Variants in BMPR1B observed in about 807,000 individuals in gnomAD.
BMPR1B encodes the protein bone morphogenetic protein receptor type-1B.
Under a neutral mutation model 59.1 loss-of-function variants are expected in BMPR1B, and 12 were observed. The ratio of observed to expected loss-of-function variants is 0.20; its 90% CI spans 0.13 to 0.33. The LOEUF is 0.33. Ranked by LOEUF, BMPR1B falls within the 10% of genes least tolerant of loss-of-function variation. The pLI is 1.00. For missense variants in BMPR1B, 550 were observed against 610.9 expected (o/e 0.90, Z 1.05); for synonymous variants, 237 against 207.3 (o/e 1.14, Z -1.23).
intron 2 of BMPR1B, among the ~76,000 whole-genome samples, chr4:94,981,467 T>C (rs1337942256): frequency 1.3e-5 from 2 of 152,222 alleles, no homozygotes; most frequent in African/African-American, 4.8e-5. Context: ...GGAGAAGCTC[T>C]ACCAGTGGAA....
At chr4:94,917,559 TTGGCCAGTCTCTCCCCTTTAGAA>T (rs1578800042) in intron 2 of BMPR1B, among the ~76,000 whole-genome samples, 1 of 152,324 alleles carries the variant, frequency 6.6e-6, no homozygotes, top group East Asian at 1.9e-4. Context: ...CCTCTTTCTT[TTGGCCAGTCTCTCCCCTTTAGAA>T]TGGTAGTGTT....
intron 1 of BMPR1B, among the ~76,000 whole-genome samples, chr4:94,799,520 T>C (rs1183314685): frequency 2.0e-5 from 3 of 151,964 alleles, no homozygotes; most frequent in Non-Finnish European, 4.4e-5. Context: ...GCCAGGATGG[T>C]CTCGATCTCC....
intron 2 of BMPR1B, among the ~76,000 whole-genome samples, chr4:94,924,465 CTTGT>C (rs1456992489): frequency 6.6e-6 from 1 of 152,040 alleles, no homozygotes; most frequent in African/African-American, 2.4e-5. Flanking sequence ...TAAATACATC[CTTGT>C]TTACCCCATC....
At chr4:94,993,964 A>G (rs1055639709) in intron 2 of BMPR1B, among the ~76,000 whole-genome samples, 1 of 152,196 alleles carries the variant, frequency 6.6e-6, no homozygotes, top group African/African-American at 2.4e-5. Context: ...GTAGATTTAG[A>G]TGCTATTGAG....
intron 1 of BMPR1B, among the ~76,000 whole-genome samples, chr4:94,779,430 G>A (rs1483325155): frequency 6.6e-6 from 1 of 152,112 alleles, no homozygotes; most frequent in Non-Finnish European, 1.5e-5. Flanking sequence ...ATATAGAATA[G>A]AAATAGTGAT....
intron 1 of BMPR1B, among the ~76,000 whole-genome samples, chr4:94,859,015 A>G (rs1421078024): frequency 6.6e-6 from 1 of 152,198 alleles, no homozygotes; most frequent in East Asian, 1.9e-4. Flanking sequence ...GCATGTCAAC[A>G]TAATTTATAA....
At chr4:95,139,787 T>G (rs1177740368) in intron 10 of BMPR1B, among the ~76,000 whole-genome samples, 1 of 152,168 alleles carries the variant, frequency 6.6e-6, no homozygotes, top group Non-Finnish European at 1.5e-5. Context: ...GTTGGAAAAG[T>G]GCAGTATTAG....
At chr4:94,809,847 A>G (rs141899501) in intron 1 of BMPR1B, among the ~76,000 whole-genome samples, 298 of 152,366 alleles carry the variant, frequency 2.0e-3, no homozygotes, top group African/African-American at 6.6e-3. Context: ...TTTTGAGGCA[A>G]AAGTAGTAGA....
chr4:94,831,245 A>AC (rs1553910336), intron 1 of BMPR1B, among the ~76,000 whole-genome samples: 7 of 151,620 alleles, frequency 4.6e-5, no homozygotes, highest in East Asian at 3.9e-4. Context: ...AAAAAAAAAA[A>AC]AAAAAACGTA....
intron 2 of BMPR1B, among the ~76,000 whole-genome samples, chr4:94,965,409 G>A (rs1423372151): frequency 6.6e-6 from 1 of 151,936 alleles, no homozygotes; most frequent in Non-Finnish European, 1.5e-5. Flanking sequence ...TCTTTTTATG[G>A]CATTTCTTAT....
intron 5 of BMPR1B, 81 bp downstream of exon 5, chr4:95,114,903 T>C: frequency 7.4e-7 from 1 of 1,359,376 alleles, no homozygotes. Flanking sequence ...CCATTCTTTT[T>C]CTTGGCCAGC....
In BMPR1B at chr4:95,088,762, G is replaced by A. The variant is rs541324429; in HGVS notation, c.-17-15646G>A. Among the ~76,000 whole-genome samples, 4 of 151,832 alleles carry A rather than the reference G, an allele frequency of 2.6e-5. No homozygotes were observed. In the South Asian group the frequency reaches 6.3e-4, roughly 24 times the overall value. On this transcript the variant is annotated intron_variant, in intron 3 of 12. Coordinates refer to ENST00000515059, the MANE Select transcript of BMPR1B (RefSeq NM_001203.3). Reference sequence around the variant, plus strand: ...TAAATCGGGCCTATTCATTTTGAAAGGCCATTAAGTTTTTTCTTTAGAGGA... The same window carrying A: ...TAAATCGGGCCTATTCATTTTGAAAAGCCATTAAGTTTTTTCTTTAGAGGA...
intron 2 of BMPR1B, among the ~76,000 whole-genome samples, chr4:94,991,320 C>T (rs997201710): frequency 7.2e-5 from 11 of 152,100 alleles, no homozygotes; most frequent in African/African-American, 2.7e-4. Context: ...CCTTTATTGG[C>T]GTGTTGCTCA....
chr4:94,863,668 G>A (rs1463656044), intron 1 of BMPR1B, among the ~76,000 whole-genome samples: 1 of 152,146 alleles, frequency 6.6e-6, no homozygotes, highest in Non-Finnish European at 1.5e-5. Context: ...TTTATGATAT[G>A]ATTTTTCTTA....
chr4:95,035,506 A>G (rs887291965), intron 3 of BMPR1B, among the ~76,000 whole-genome samples: 5 of 152,202 alleles, frequency 3.3e-5, no homozygotes, highest in East Asian at 1.9e-4. Context: ...TGGTTTGCCA[A>G]TTATCTCAGC....
chr4:95,112,915 A>G (rs1260910763), intron 4 of BMPR1B, among the ~76,000 whole-genome samples: 1 of 152,098 alleles, frequency 6.6e-6, no homozygotes, highest in Non-Finnish European at 1.5e-5. Flanking sequence ...ATAAGGAGAA[A>G]TTAGTCTTTA....
intron 2 of BMPR1B, among the ~76,000 whole-genome samples, chr4:94,923,513 T>C (rs1728779866): frequency 6.6e-6 from 1 of 152,186 alleles, no homozygotes; most frequent in Admixed American, 6.6e-5. Flanking sequence ...ATGCCATTCT[T>C]ACTGAATGAA....
chr4:94,884,085 A>G (rs952862067), intron 2 of BMPR1B, among the ~76,000 whole-genome samples: 1 of 152,186 alleles, frequency 6.6e-6, no homozygotes, highest in Non-Finnish European at 1.5e-5. Flanking sequence ...CTTCATGCCA[A>G]TCTAACGTCC....
intron 1 of BMPR1B, among the ~76,000 whole-genome samples, chr4:94,871,865 C>T (rs1364776264): frequency 6.6e-6 from 1 of 152,020 alleles, no homozygotes; most frequent in Non-Finnish European, 1.5e-5. Flanking sequence ...GCTGAAATAC[C>T]CCAAGGTTTG....
Sources: allele counts gnomAD v4.1 joint callset (sites outside exome capture counted in the v4.1 genomes callset), GRCh38; gene constraint gnomAD v4.1.1; transcripts MANE v1.5; gene names NCBI Gene and HGNC (gene_info 2026-07-23, HGNC 2026-07-21).